The following TTPA variants were observed in gnomAD, a reference collection of about 807,000 sequenced individuals.
TTPA encodes alpha-tocopherol transfer protein.
TTPA carries 23 observed loss-of-function variants against 25.9 expected under a neutral mutation model. The ratio of observed to expected loss-of-function variants is 0.89; its 90% confidence interval spans 0.64 to 1.26. The LOEUF is 1.26. TTPA is among the 50% of genes most tolerant of loss of function. The pLI is 0.00. For synonymous variants in TTPA, 148 were observed against 137.3 expected (o/e 1.08, Z -0.54); for missense variants, 337 against 353.1 (o/e 0.95, Z 0.37).
At chr8:63,085,685 T>C in intron 1 of TTPA, 133 bp downstream of exon 1, 1 of 1,089,718 alleles carries the variant, frequency 9.2e-7, no homozygotes, top group Non-Finnish European at 1.3e-6. Flanking sequence ...CGCCGGGTGG[T>C]TAGGGGCGCG....
downstream of TTPA, among the ~76,000 whole-genome samples, chr8:63,058,674 T>C (rs1461494729): frequency 6.6e-6 from 1 of 151,948 alleles, no homozygotes; most frequent in East Asian, 1.9e-4. Context: ...ATGCCTAGAT[T>C]AACTGACTTA....
intron 2 of TTPA, among the ~76,000 whole-genome samples, chr8:63,072,494 C>T (rs1805498237): frequency 1.3e-5 from 2 of 152,156 alleles, no homozygotes; most frequent in African/African-American, 2.4e-5. Flanking sequence ...AACTCCTGAC[C>T]TCAGCTGGGA....
chr8:63,081,302 T>G (rs1007901823), intron 1 of TTPA, among the ~76,000 whole-genome samples: 2 of 151,906 alleles, frequency 1.3e-5, no homozygotes, highest in African/African-American at 2.4e-5. Flanking sequence ...CAAGATCAAG[T>G]TGGCTTCATC....
chr8:63,077,167 A>T (rs1563364443), intron 1 of TTPA, among the ~76,000 whole-genome samples: 1 of 152,260 alleles, frequency 6.6e-6, no homozygotes, highest in Non-Finnish European at 1.5e-5. Flanking sequence ...TTTATAAATC[A>T]GTAAAACATA....
intron 2 of TTPA, among the ~76,000 whole-genome samples, chr8:63,066,641 C>T (rs1053106832): frequency 2.6e-5 from 4 of 152,116 alleles, no homozygotes; most frequent in Admixed American, 1.3e-4. Context: ...TAGCTGCTCA[C>T]ACCAAAGAGA....
At chr8:63,083,695 T>C (rs1460725694) in intron 1 of TTPA, among the ~76,000 whole-genome samples, 1 of 151,632 alleles carries the variant, frequency 6.6e-6, no homozygotes, top group East Asian at 1.9e-4. Flanking sequence ...AAAGAAATTT[T>C]GAAATTTTAC....
At chr8:63,071,393 C>T (rs1167824226) in intron 2 of TTPA, among the ~76,000 whole-genome samples, 1 of 152,070 alleles carries the variant, frequency 6.6e-6, no homozygotes, top group Non-Finnish European at 1.5e-5. Flanking sequence ...TATTTTAAAT[C>T]TTTAAAGATA....
intron 1 of TTPA, among the ~76,000 whole-genome samples, chr8:63,077,693 A>T (rs1374368600): frequency 6.6e-6 from 1 of 152,238 alleles, no homozygotes; most frequent in Admixed American, 6.5e-5. Context: ...CAGCACAGCA[A>T]GGCCTACAGC....
intron 1 of TTPA, among the ~76,000 whole-genome samples, chr8:63,082,910 A>G (rs1407845696): frequency 6.6e-6 from 1 of 152,262 alleles, no homozygotes; most frequent in East Asian, 1.9e-4. Flanking sequence ...TGGTCATCAG[A>G]GAAATGCAAA....
At chr8:63,084,390 C>CT (rs1242353629) in intron 1 of TTPA, among the ~76,000 whole-genome samples, 1 of 152,186 alleles carries the variant, frequency 6.6e-6, no homozygotes, top group Non-Finnish European at 1.5e-5. Flanking sequence ...ATCTTGTGTA[C>CT]TACTAGGCAA....
At chr8:63,081,790 A>C (rs1036267803) in intron 1 of TTPA, among the ~76,000 whole-genome samples, 1 of 152,234 alleles carries the variant, frequency 6.6e-6, no homozygotes, top group African/African-American at 2.4e-5. Context: ...AACTTCAGCA[A>C]AGTCTCAGGA....
At chr8:63,068,843 G>T (rs1805437775) in intron 2 of TTPA, among the ~76,000 whole-genome samples, 1 of 152,166 alleles carries the variant, frequency 6.6e-6, no homozygotes, top group African/African-American at 2.4e-5. Flanking sequence ...CAGGAGGTGT[G>T]TTAGTGTTTT....
intron 1 of TTPA, among the ~76,000 whole-genome samples, chr8:63,075,085 T>C (rs539114251): frequency 1.3e-5 from 2 of 152,348 alleles, no homozygotes; most frequent in South Asian, 2.1e-4. Flanking sequence ...ATTCACAGTA[T>C]AGCTGTCATA....
At position 63,066,112 on chromosome 8, in the gene TTPA, G is replaced by C. The variant is rs1419399984; in HGVS notation, c.359-15C>G. On this transcript the variant is annotated splice_polypyrimidine_tract_variant and intron_variant, in intron 2 of 4. Coordinates refer to ENST00000260116, the MANE Select transcript of TTPA (RefSeq NM_000370.3). Reference sequence around the variant, plus strand: ...GTCCCAGTGTGCTAAAAAAAATAAAGCATATCATATCTTAGCATTGTGTAA... The same window carrying C: ...GTCCCAGTGTGCTAAAAAAAATAAACCATATCATATCTTAGCATTGTGTAA... The C allele has an allele frequency of 6.2e-7, 1 of 1,608,092 alleles. No homozygotes were observed.
intron 4 of TTPA, among the ~76,000 whole-genome samples, chr8:63,062,486 T>A (rs1172093327): frequency 6.6e-6 from 1 of 152,206 alleles, no homozygotes; most frequent in Non-Finnish European, 1.5e-5. Flanking sequence ...CTATACTCAC[T>A]TAGGAAACTC....
In TTPA at chr8:63,061,153, T is replaced by C; in HGVS notation, c.*99A>G. On this transcript the variant is annotated 3_prime_UTR_variant, in exon 5 of 5. Transcript: ENST00000260116. The stretch of plus-strand genomic sequence containing the variant: ...TACATTTTTAAAGTTCAGGCAAGCA[T>C]TAGTTTAAAAGATTTGCTCCTTTTC... 2 of 1,224,190 alleles carry C rather than the reference T, an allele frequency of 1.6e-6. No homozygotes were observed. The highest frequency in any genetic ancestry group is 2.4e-6 in the Non-Finnish European group (2 of 850,726). The allele number at this position is 1,224,190 out of a possible 1,614,324, so 75.8% of individuals were successfully genotyped here. A position where few individuals can be genotyped will look rare whatever the true frequency, so the allele number is the denominator to read the frequency against.
intron 1 of TTPA, among the ~76,000 whole-genome samples, chr8:63,078,239 C>A (rs1318915268): frequency 6.6e-6 from 1 of 152,158 alleles, no homozygotes; most frequent in Non-Finnish European, 1.5e-5. Context: ...GAAACCAGAG[C>A]AGAAAAGCTG....
rs1024238503 is a variant in TTPA, at chr8:63,059,974, G to A, written c.*1278C>T. On this transcript the variant is annotated 3_prime_UTR_variant, in exon 5 of 5. Coordinates refer to ENST00000260116, the MANE Select transcript of TTPA (RefSeq NM_000370.3). ...GCCTCCCAAAGTGCTGGGATTACAG[G>A]TGTGAGCTGCCACACCCAGTCTTTA... 6.6e-6 allele frequency: 1 copy of A among 152,006 alleles called. No homozygotes were observed. Among genetic ancestry groups the A allele is most frequent in the South Asian group, 2.1e-4 (1 of 4,814 alleles). The allele number at this position is 152,006 out of a possible 1,614,324, so 9.4% of individuals were successfully genotyped here.
At chr8:63,075,246 T>C (rs1805544496) in intron 1 of TTPA, among the ~76,000 whole-genome samples, 1 of 152,198 alleles carries the variant, frequency 6.6e-6, no homozygotes, top group Admixed American at 6.5e-5. Flanking sequence ...ATTTAAAATG[T>C]TATGGGTTAA....
Sources: allele counts gnomAD v4.1 joint callset (sites outside exome capture counted in the v4.1 genomes callset), GRCh38; gene constraint gnomAD v4.1.1; transcripts MANE v1.5; gene names NCBI Gene and HGNC (gene_info 2026-07-23, HGNC 2026-07-21).